Variants in PTPRD observed in about 807,000 individuals in gnomAD.
PTPRD encodes the protein receptor-type tyrosine-protein phosphatase delta.
In PTPRD, 34 loss-of-function variants were observed where a neutral mutation model predicts 214.5. The ratio of observed to expected loss-of-function variants is 0.16; its 90% CI spans 0.12 to 0.21. The LOEUF (loss-of-function observed/expected upper bound fraction) is 0.21, where lower values mean the gene tolerates loss of function less well. PTPRD is among the 10% of genes least tolerant of loss of function. PTPRD has a pLI of 1.00. For synonymous variants in PTPRD, 1,128 were observed against 845.7 expected, an observed-to-expected ratio of 1.33 and a Z score of -5.79; for missense variants, 2,545 against 2,398.7, an observed-to-expected ratio of 1.06 and a Z score of -1.27.
intron 3 of PTPRD, among the ~76,000 whole-genome samples, chr9:10,164,711 A>C (rs986043235): frequency 6.6e-6 from 1 of 151,662 alleles, no homozygotes; most frequent in East Asian, 1.9e-4. Context: ...AGAAGTACAC[A>C]AAAGAGTATA....
intron 5 of PTPRD, among the ~76,000 whole-genome samples, chr9:9,907,876 TTA>T (rs2078051047): frequency 6.6e-6 from 1 of 152,016 alleles, no homozygotes; most frequent in South Asian, 2.1e-4. Context: ...GTAACATGTA[TTA>T]TAGAATTATA....
intron 4 of PTPRD, among the ~76,000 whole-genome samples, chr9:9,980,020 T>C (rs1302652359): frequency 3.3e-5 from 5 of 152,116 alleles, no homozygotes; most frequent in Non-Finnish European, 7.4e-5. Flanking sequence ...ATAAATTGAA[T>C]AAAAGGGCAA....
chr9:8,329,518 T>C (rs1837539057), intron 44 of PTPRD, among the ~76,000 whole-genome samples: 1 of 152,170 alleles, frequency 6.6e-6, no homozygotes, highest in South Asian at 2.1e-4. Context: ...GGAGAGAGTC[T>C]GTCCCTTATC....
intron 3 of PTPRD, among the ~76,000 whole-genome samples, chr9:10,327,081 A>G (rs895812888): frequency 9.9e-5 from 15 of 151,046 alleles, no homozygotes; most frequent in South Asian, 4.1e-4. Flanking sequence ...GGCACTGAAG[A>G]CATTAAACAT....
At chr9:9,856,848 C>A (rs10816209) in intron 5 of PTPRD, among the ~76,000 whole-genome samples, 1 of 151,818 alleles carries the variant, frequency 6.6e-6, no homozygotes, top group African/African-American at 2.4e-5. Context: ...GATAAGTGAG[C>A]TGAGAAGGAG....
At chr9:9,456,146 T>C (rs947788240) in intron 8 of PTPRD, among the ~76,000 whole-genome samples, 3 of 151,856 alleles carry the variant, frequency 2.0e-5, no homozygotes, top group African/African-American at 4.8e-5. Context: ...TAGAATATAA[T>C]GGAAATTTAA....
At chr9:10,535,413 C>G (rs2057517640) in intron 2 of PTPRD, among the ~76,000 whole-genome samples, 1 of 152,088 alleles carries the variant, frequency 6.6e-6, no homozygotes, top group Admixed American at 6.6e-5. Context: ...AGAAAATTTA[C>G]ATCTACTTAC....
intron 3 of PTPRD, among the ~76,000 whole-genome samples, chr9:10,207,137 T>G (rs2099487021): frequency 6.6e-6 from 1 of 152,098 alleles, no homozygotes; most frequent in Admixed American, 6.6e-5. Flanking sequence ...TCCCAAACAG[T>G]TCTTTTATGC....
At chr9:8,813,463 T>G (rs1460261480) in intron 11 of PTPRD, among the ~76,000 whole-genome samples, 1 of 152,186 alleles carries the variant, frequency 6.6e-6, no homozygotes, top group Admixed American at 6.5e-5. Context: ...CTTGACCTCC[T>G]AGGCTGAAGC....
intron 9 of PTPRD, among the ~76,000 whole-genome samples, chr9:9,234,974 C>T (rs2099965642): frequency 6.6e-6 from 1 of 152,184 alleles, no homozygotes; most frequent in South Asian, 2.1e-4. Flanking sequence ...CCCACTACCT[C>T]AGTACCAATT....
At chr9:9,937,584 T>A (rs1380518136) in intron 5 of PTPRD, among the ~76,000 whole-genome samples, 2 of 152,144 alleles carry the variant, frequency 1.3e-5, no homozygotes, top group Non-Finnish European at 2.9e-5. Context: ...AATCACAAGA[T>A]ACAGAATTGC....
chr9:9,232,769 A>G (rs572555713), intron 9 of PTPRD, among the ~76,000 whole-genome samples: 1 of 152,250 alleles, frequency 6.6e-6, no homozygotes, highest in Non-Finnish European at 1.5e-5. Flanking sequence ...ACTTTGAACT[A>G]AAGGACATTG....
intron 3 of PTPRD, among the ~76,000 whole-genome samples, chr9:10,088,561 G>A (rs1459712683): frequency 6.6e-6 from 1 of 151,704 alleles, no homozygotes; most frequent in Admixed American, 6.6e-5. Context: ...AGAAGGTGAT[G>A]CTAGGTCCAT....
chr9:8,320,992 C>G (rs1252196378), intron 44 of PTPRD, among the ~76,000 whole-genome samples: 2 of 151,926 alleles, frequency 1.3e-5, no homozygotes, highest in South Asian at 2.1e-4. Context: ...AGCTGACAGG[C>G]ATATATAAAT....
intron 10 of PTPRD, among the ~76,000 whole-genome samples, chr9:9,132,061 G>A (rs560934005): frequency 6.6e-6 from 1 of 152,262 alleles, no homozygotes; most frequent in South Asian, 2.1e-4. Flanking sequence ...AGGCTGGAGT[G>A]CAGTGGCACG....
Position 9,997,706 on chromosome 9 carries a change from T to TC in PTPRD, c.-472+36011dup, listed in dbSNP as rs531134344. Among the ~76,000 whole-genome samples, 64 of 152,304 alleles carry TC rather than the reference T, an allele frequency of 4.2e-4. No individual in the cohort carries two copies. The East Asian group carries it at 9.8e-3, about 23-fold the overall frequency. On this transcript the variant is annotated intron_variant, in intron 4 of 45. Coordinates refer to ENST00000381196, the MANE Select transcript of PTPRD (RefSeq NM_002839.4). ...AGAAACAGCTCCTGAAACGTTTTTT[T>TC]CTAGCAGAAAGGCAGCTTGAAAAGC...
intron 2 of PTPRD, among the ~76,000 whole-genome samples, chr9:10,556,508 G>C (rs1318831006): frequency 1.3e-5 from 2 of 152,010 alleles, no homozygotes; most frequent in Non-Finnish European, 2.9e-5. Context: ...AAAATACTGA[G>C]AGTCACGTGG....
intron 10 of PTPRD, among the ~76,000 whole-genome samples, chr9:9,096,057 A>C (rs1466101702): frequency 1.3e-5 from 2 of 152,208 alleles, no homozygotes; most frequent in Non-Finnish European, 2.9e-5. Context: ...ATGCATTTCA[A>C]ATACACAGAG....
chr9:9,474,091 G>C (rs1302077038), intron 8 of PTPRD, among the ~76,000 whole-genome samples: 1 of 151,914 alleles, frequency 6.6e-6, no homozygotes, highest in Non-Finnish European at 1.5e-5. Flanking sequence ...TTATAGACTT[G>C]GGTCTTAGTT....
Sources: gnomAD v4.1 joint callset for allele counts (sites outside exome capture counted in the v4.1 genomes callset) on GRCh38, gnomAD v4.1.1 for gene constraint, MANE v1.5 for transcripts, NCBI Gene and HGNC (gene_info 2026-07-23, HGNC 2026-07-21) for gene names.